MAN1B1: variants seen among roughly 807,000 people sequenced by gnomAD.
MAN1B1 encodes the protein endoplasmic reticulum mannosyl-oligosaccharide 1,2-alpha-mannosidase.
In MAN1B1, 66 loss-of-function variants were observed where a neutral mutation model predicts 75.5. That is an observed-to-expected ratio of 0.87 (90% CI 0.72 to 1.07). The LOEUF (loss-of-function observed/expected upper bound fraction) is 1.07, where lower values mean the gene tolerates loss of function less well. Among genes scored for constraint, MAN1B1 ranks in the 50% least tolerant of loss-of-function variants. The pLI is 0.00. For missense variants in MAN1B1, 973 were observed against 912.5 expected, an observed-to-expected ratio of 1.07 and a Z score of -0.85; for synonymous variants, 453 against 382.8, an observed-to-expected ratio of 1.18 and a Z score of -2.14.
At position 137,107,565 on chromosome 9, in the gene MAN1B1, C is replaced by A; in HGVS notation, c.1799C>A (p.Thr600Asn). Residue 600 changes from threonine to asparagine, a missense_variant, in exon 12 of 13, where the codon ACC (threonine) becomes AAC (asparagine). Thr to Asn is a moderately conservative substitution (Grantham distance 65). Transcript: ENST00000371589. ...ADRHNLLRPE[T>N]VESLFYLYRV... ...AGGCACAACCTGCTGCGGCCAGAGACCGTGGAGAGCCTGTTCTACCTGTAC... is the reference window on the plus strand; with the variant it reads ...AGGCACAACCTGCTGCGGCCAGAGAACGTGGAGAGCCTGTTCTACCTGTAC... The A allele has an allele frequency of 1.2e-6, 2 of 1,612,750 alleles. No homozygotes were observed. Among genetic ancestry groups the A allele is most frequent in the Non-Finnish European group, 1.7e-6 (2 of 1,179,982 alleles).
At chr9:137,099,430 G>A (rs1830745453) in intron 5 of MAN1B1, among the ~76,000 whole-genome samples, 1 of 152,244 alleles carries the variant, frequency 6.6e-6, no homozygotes, top group Non-Finnish European at 1.5e-5. Flanking sequence ...AGGTGCATGG[G>A]CCCCAGTCAG....
At position 137,099,887 on chromosome 9, in the gene MAN1B1, T is replaced by C. The variant is rs369051613; in HGVS notation, c.916+6T>C. ...GATCTTGGGTCTGAGGAAAGGTACC[T>C]GGTGCTTTCTGGGGAGGGGCTGAGC... On this transcript the variant is annotated splice_donor_region_variant and intron_variant, in intron 6 of 12. Coordinates refer to ENST00000371589, the MANE Select transcript of MAN1B1 (RefSeq NM_016219.5). 3.1e-6 allele frequency: 5 copies of C among 1,613,934 alleles called. No homozygotes were observed. In the African/African-American group the frequency reaches 5.3e-5, roughly 17 times the overall value.
Position 137,109,090 on chromosome 9 carries a change from G to T in MAN1B1, c.*499G>T. ...GGGATCCTCCTGGCCGCCCCGCAGGGGGCTTGGAGGGCTGGACGGCAAGTC... is the reference window on the plus strand; with the variant it reads ...GGGATCCTCCTGGCCGCCCCGCAGGTGGCTTGGAGGGCTGGACGGCAAGTC... On this transcript the variant is annotated 3_prime_UTR_variant, in exon 13 of 13. Coordinates refer to ENST00000371589, the MANE Select transcript of MAN1B1 (RefSeq NM_016219.5). 1 of 455,616 alleles carries T rather than the reference G, an allele frequency of 2.2e-6. No homozygotes were observed. Among genetic ancestry groups the T allele is most frequent in the Non-Finnish European group, 4.4e-6 (1 of 227,268 alleles). The allele number at this position is 455,616 out of a possible 1,614,324, so 28.2% of individuals were successfully genotyped here. A position where few individuals can be genotyped will look rare whatever the true frequency, so the allele number is the denominator to read the frequency against.
Position 137,098,920 on chromosome 9 carries a change from T to C in MAN1B1, c.731-776T>C, listed in dbSNP as rs1185094311. 2.6e-5 allele frequency among the ~76,000 whole-genome samples: 4 copies of C among 152,148 alleles called. No homozygotes were observed. In the South Asian group the frequency reaches 8.3e-4, roughly 32 times the overall value. On this transcript the variant is annotated intron_variant, in intron 5 of 12. Transcript: ENST00000371589. ...TGTCACTTCACTGCAACGTCTGCCT[T>C]CTGGGTTCAAGCAAGTCTCCTGCCT...
Position 137,101,613 on chromosome 9 carries a change from A to T in MAN1B1, c.1195A>T (p.Thr399Ser). Residue 399 changes from threonine to serine, a missense_variant, in exon 8 of 13, where the codon ACC becomes TCC. Thr to Ser is a moderately conservative substitution (Grantham distance 58). Transcript: ENST00000371589. ...WTSDSTVAEV[T>S]SIQLEFRELS... ...CTCCGACAGCACTGTGGCCGAGGTG[A>T]CCAGCATTCAGCTGGAGTTCCGGGA... 2 of 1,613,742 alleles carry T rather than the reference A, an allele frequency of 1.2e-6. No individual in the cohort carries two copies. The highest frequency in any genetic ancestry group is 1.7e-6 in the Non-Finnish European group (2 of 1,179,974).
In MAN1B1 at chr9:137,108,344, C is replaced by T. The variant is rs771041908; in HGVS notation, c.1897-44C>T. 1.6e-5 allele frequency: 24 copies of T among 1,523,128 alleles called. No individual in the cohort carries two copies. In the South Asian group the frequency reaches 2.7e-4, roughly 17 times the overall value. 94.4% of individuals were successfully genotyped at this position (1,523,128 alleles called of 1,614,324 possible). Reference sequence around the variant, plus strand: ...TTCGGTGATGAGGCTGAGGGGGGTGCAGGGTGCCCCCCGTGTGGTGACGAG... The same window carrying T: ...TTCGGTGATGAGGCTGAGGGGGGTGTAGGGTGCCCCCCGTGTGGTGACGAG... On this transcript the variant is annotated intron_variant, in intron 12 of 12. Transcript: ENST00000371589.
intron 11 of MAN1B1, 33 bp from the exon 12 acceptor site, chr9:137,107,497 GC>G (rs771568287): frequency 2.0e-5 from 32 of 1,612,846 alleles, no homozygotes; most frequent in Non-Finnish European, 2.5e-5. Context: ...TGCTGGCAGG[GC>G]TGGCCTTGCC....
intron 8 of MAN1B1, chr9:137,103,494 A>T: frequency 2.3e-6 from 1 of 435,324 alleles, no homozygotes; most frequent in Admixed American, 2.5e-5. Flanking sequence ...TGGTACACAC[A>T]TTCACGCTAT....
chr9:137,107,307 C>T lies in MAN1B1; in HGVS notation c.1624C>T (p.Pro542Ser). 6.2e-7 allele frequency: 1 copy of T among 1,613,128 alleles called. No homozygotes were observed. Among genetic ancestry groups the T allele is most frequent in the Non-Finnish European group, 8.5e-7 (1 of 1,179,992 alleles). The change falls in exon 11 of 13, where the codon CCC becomes TCC. Residue 542 changes from proline (P) to serine (S), a missense_variant. Physicochemically the swap from Pro to Ser is moderately conservative, Grantham distance 74. Transcript: ENST00000371589. ...GGCTCTGGGCGTCTACCACGGCCTG[C>T]CCGCCAGCCACATGGAGCTGGCCCA... is the stretch of plus-strand genomic sequence containing the variant. ...TLALGVYHGLPASHMELAQEL... is the reference protein window; with the variant it reads ...TLALGVYHGLSASHMELAQEL...
At position 137,100,989 on chromosome 9, in the gene MAN1B1, CTG is replaced by C; in HGVS notation, c.917-14_917-13del. The C allele has an allele frequency of 6.2e-7, 1 of 1,614,026 alleles. No individual in the cohort carries two copies. Among genetic ancestry groups the C allele is most frequent in the Non-Finnish European group, 8.5e-7 (1 of 1,179,926 alleles). ...CATCCATTTGTCTCTGCATCCTTTA[CTG>C]TTTTATGTCATAGAATTTGAGGAAG... is the stretch of plus-strand genomic sequence containing the variant. On this transcript the variant is annotated splice_polypyrimidine_tract_variant and intron_variant, in intron 6 of 12. Coordinates refer to ENST00000371589, the MANE Select transcript of MAN1B1 (RefSeq NM_016219.5).
chr9:137,106,583 G>T (rs1358552966), intron 9 of MAN1B1, 106 bp from the exon 10 acceptor site: 3 of 1,568,700 alleles, frequency 1.9e-6, no homozygotes, highest in Non-Finnish European at 2.6e-6. Flanking sequence ...TCCGGCAAGG[G>T]CCAGGCCTGC....
intron 6 of MAN1B1, 131 bp from the exon 7 acceptor site, chr9:137,100,874 C>T (rs1830789404): frequency 1.0e-6 from 1 of 998,004 alleles, no homozygotes; most frequent in African/African-American, 1.6e-5. Context: ...CTTGCCTCAG[C>T]CTCCCAAAGT....
chr9:137,101,796 C>G (rs1382728261), intron 8 of MAN1B1, 124 bp downstream of exon 8: 3 of 1,178,828 alleles, frequency 2.5e-6, no homozygotes, highest in Admixed American at 4.0e-5. Context: ...TGTGATAAAA[C>G]ACACAAAACG....
intron 1 of MAN1B1, 185 bp downstream of exon 1, chr9:137,087,403 C>T (rs368679777): frequency 3.9e-6 from 3 of 776,462 alleles, no homozygotes; most frequent in African/African-American, 3.4e-5. Context: ...GGCTCGCCTG[C>T]AGCGGTCTCA....
Position 137,105,335 on chromosome 9 carries a change from A to ACCATCCACGTGAGGCTGCCACACG in MAN1B1, c.1255-774_1255-773insGCCACACGCCATCCACGTGAGGCT, listed in dbSNP as rs1189777293. 5.3e-3 allele frequency: 862 copies of ACCATCCACGTGAGGCTGCCACACG among 162,104 alleles called. 4 individuals are homozygous for ACCATCCACGTGAGGCTGCCACACG. Among genetic ancestry groups the ACCATCCACGTGAGGCTGCCACACG allele is most frequent in the African/African-American group, 0.012 (479 of 41,360 alleles). The allele number at this position is 162,104 out of a possible 1,614,324, so 10.0% of individuals were successfully genotyped here. On this transcript the variant is annotated intron_variant, in intron 8 of 12. Transcript: ENST00000371589. ...ACTTGTGGTGAGAAGTGCAGCCCAC[A>ACCATCCACGTGAGGCTGCCACACG]CCATCCACGTGAGGCTCCCACACGC... is the stretch of plus-strand genomic sequence containing the variant.
At chr9:137,093,438 C>T (rs953514419) in intron 3 of MAN1B1, among the ~76,000 whole-genome samples, 7 of 152,064 alleles carry the variant, frequency 4.6e-5, no homozygotes, top group Non-Finnish European at 5.9e-5. Flanking sequence ...CCACCAAGTC[C>T]GTAGGAGTAA....
rs537411769 is a variant in MAN1B1 at position 137,103,013 on chromosome 9, C to T, written c.1254+1341C>T. On this transcript the variant is annotated intron_variant, in intron 8 of 12. Coordinates refer to ENST00000371589, the MANE Select transcript of MAN1B1 (RefSeq NM_016219.5). ...GGTCTTACATTCATACTGTTGCAGG[C>T]GTGCAGGTCGGTGGTGTTACATTCA... is the stretch of plus-strand genomic sequence containing the variant. 725 of 432,034 alleles carry T rather than the reference C, an allele frequency of 1.7e-3. 8 individuals carry two copies. Among genetic ancestry groups the T allele is most frequent in the African/African-American group, 0.015 (625 of 41,620 alleles). The allele number at this position is 432,034 out of a possible 1,614,324, so 26.8% of individuals were successfully genotyped here. A position where few individuals can be genotyped will look rare whatever the true frequency, so the allele number is the denominator to read the frequency against.
chr9:137,097,664 G>A (rs1242458650), intron 4 of MAN1B1, among the ~76,000 whole-genome samples, 164 bp from the exon 5 acceptor site: 1 of 152,224 alleles, frequency 6.6e-6, no homozygotes, highest in Non-Finnish European at 1.5e-5. Flanking sequence ...GGGAGCTCAG[G>A]ACTGAACTGT....
intron 8 of MAN1B1, chr9:137,102,976 G>C (rs199792342): frequency 2.3e-6 from 1 of 431,718 alleles, no homozygotes; most frequent in East Asian, 7.5e-5. Flanking sequence ...TTTTGCAGGC[G>C]TGCAGGTCGG....
Sources: allele counts gnomAD v4.1 joint callset (sites outside exome capture counted in the v4.1 genomes callset), GRCh38; gene constraint gnomAD v4.1.1; transcripts MANE v1.5; gene names NCBI Gene and HGNC (gene_info 2026-07-23, HGNC 2026-07-21).